The following STAB2 variants were observed in gnomAD, a reference collection of about 807,000 sequenced individuals.
STAB2 encodes stabilin 2.
In STAB2, 288 loss-of-function variants were observed where a neutral mutation model predicts 338.1. The ratio of observed to expected loss-of-function variants is 0.85; its 90% confidence interval spans 0.77 to 0.94. STAB2 has a LOEUF of 0.94. STAB2 is among the 40% of genes least tolerant of loss of function. STAB2 has a pLI of 0.00. For missense variants in STAB2, 3,141 were observed against 3,210.1 expected, an observed-to-expected ratio of 0.98 and a Z score of 0.52; for synonymous variants, 1,202 against 1,193.3, an observed-to-expected ratio of 1.01 and a Z score of -0.15.
chr12:103,763,484 CCAAA>C lies in STAB2; in HGVS notation c.7489-5_7489-2del, dbSNP rs1884691806. ...GCTCCTGGCTTTCATGCTTGTCTTT[CCAAA>C]CAGTCGGAAGAGGACATTAATGTTG... On this transcript the variant is annotated splice_region_variant and splice_polypyrimidine_tract_variant and intron_variant, in intron 67 of 68. Transcript: ENST00000388887. 1.9e-6 allele frequency: 3 copies of C among 1,613,276 alleles called. No homozygotes were observed. The highest frequency in any genetic ancestry group is 2.5e-6 in the Non-Finnish European group (3 of 1,179,422).
intron 13 of STAB2, 200 bp downstream of exon 13, chr12:103,654,898 CAT>C: frequency 6.2e-6 from 4 of 643,604 alleles, no homozygotes; most frequent in East Asian, 3.0e-5. Context: ...CGTACAGTAA[CAT>C]ATGTGGGAAA....
chr12:103,610,576 C>G (rs1957106596), intron 3 of STAB2, among the ~76,000 whole-genome samples: 1 of 152,084 alleles, frequency 6.6e-6, no homozygotes, highest in African/African-American at 2.4e-5. Context: ...ATTCTTCTCT[C>G]TTTTCTTCTT....
intron 11 of STAB2, among the ~76,000 whole-genome samples, chr12:103,651,815 T>G (rs1269381714): frequency 6.6e-6 from 1 of 152,250 alleles, no homozygotes; most frequent in Non-Finnish European, 1.5e-5. Flanking sequence ...CAAGATATTT[T>G]GTGGTAATAA....
chr12:103,617,854 C>T (rs963099393), intron 3 of STAB2, among the ~76,000 whole-genome samples: 1 of 152,148 alleles, frequency 6.6e-6, no homozygotes, highest in Non-Finnish European at 1.5e-5. Context: ...AGGTTTTGAG[C>T]CTGGCTCTGC....
At chr12:103,608,016 G>A (rs1163857032) in intron 3 of STAB2, among the ~76,000 whole-genome samples, 1 of 152,218 alleles carries the variant, frequency 6.6e-6, no homozygotes, top group Admixed American at 6.5e-5. Context: ...GTGTAAAAAT[G>A]TTCCTATTTC....
intron 66 of STAB2, 30 bp downstream of exon 66, chr12:103,761,440 C>G (rs1323420198): frequency 6.3e-7 from 1 of 1,596,532 alleles, no homozygotes; most frequent in South Asian, 1.1e-5. Flanking sequence ...GATAACGGGC[C>G]AGGAGGAGCC....
chr12:103,681,238 C>T (rs1186634713), intron 25 of STAB2, among the ~76,000 whole-genome samples: 6 of 152,010 alleles, frequency 3.9e-5, no homozygotes, highest in African/African-American at 1.4e-4. Context: ...GCCAAGCACT[C>T]AGTAAATAAT....
At chr12:103,661,236 A>AAG (rs1274925454) in intron 17 of STAB2, among the ~76,000 whole-genome samples, 81 of 138,726 alleles carry the variant, frequency 5.8e-4, no homozygotes, top group Non-Finnish European at 9.6e-4. Context: ...AAAAAAAAAA[A>AAG]AGAGAGAGAG....
chr12:103,711,493 T>C lies in STAB2; in HGVS notation c.4311T>C (p.Asn1437=). ...CDNATTEDNC[N]GTCHTSANCL... is the part of the protein sequence containing the mutation. ...CAGCAACCACAGAAGACAACTGCAA[T>C]GGGACATGCCATACCAGCGCCAAGT... is the stretch of plus-strand genomic sequence containing the variant. The change falls in exon 40 of 69, where the codon AAT becomes AAC. Residue 1437 remains asparagine (N), a synonymous_variant. Coordinates refer to ENST00000388887, the MANE Select transcript of STAB2 (RefSeq NM_017564.10). The C allele has an allele frequency of 1.2e-6, 2 of 1,614,054 alleles. No individual in the cohort carries two copies.
At chr12:103,675,434 T>C (rs1201480440) in intron 23 of STAB2, among the ~76,000 whole-genome samples, 5 of 152,208 alleles carry the variant, frequency 3.3e-5, no homozygotes, top group Admixed American at 2.0e-4. Context: ...CATTTTCAAA[T>C]ATTTTAAGAG....
Position 103,750,701 on chromosome 12 carries a change from T to C in STAB2, c.6561T>C (p.Cys2187=), listed in dbSNP as rs761941607. 3.1e-6 allele frequency: 5 copies of C among 1,613,642 alleles called. No individual in the cohort carries two copies. The African/African-American group carries it at 5.3e-5, about 17-fold the overall frequency. Residue 2187 remains cysteine, a synonymous_variant, in exon 60 of 69, where the codon TGT becomes TGC. Coordinates refer to ENST00000388887, the MANE Select transcript of STAB2 (RefSeq NM_017564.10). The part of the protein sequence containing the change: ...DNGQCHADAK[C]VDLHFQDTTV... ...GGCAGTGCCATGCAGACGCCAAATG[T>C]GTCGACCTCCACTTCCAGGGTTAGT...
chr12:103,685,481 CAT>C (rs887703471), intron 27 of STAB2, among the ~76,000 whole-genome samples: 28 of 139,142 alleles, frequency 2.0e-4, no homozygotes, highest in African/African-American at 4.1e-4. Flanking sequence ...TGCGTGCGCG[CAT>C]GTGTGTGTGT....
At chr12:103,611,921 G>T (rs1017876545) in intron 3 of STAB2, among the ~76,000 whole-genome samples, 39 of 152,120 alleles carry the variant, frequency 2.6e-4, no homozygotes, top group African/African-American at 8.9e-4. Flanking sequence ...GTCTGTAAAG[G>T]ATTTTATTTC....
At chr12:103,691,561 A>G (rs1452025343) in intron 30 of STAB2, among the ~76,000 whole-genome samples, 3 of 152,242 alleles carry the variant, frequency 2.0e-5, no homozygotes, top group African/African-American at 7.2e-5. Flanking sequence ...GGTGATTCCT[A>G]CAGTCATGCT....
chr12:103,733,824 C>T (rs965973051), intron 51 of STAB2, among the ~76,000 whole-genome samples: 3 of 151,344 alleles, frequency 2.0e-5, no homozygotes, highest in Non-Finnish European at 2.9e-5. Context: ...GGAGCAAGCA[C>T]GATCACAGCA....
intron 58 of STAB2, among the ~76,000 whole-genome samples, chr12:103,747,732 C>T (rs949552828): frequency 6.6e-6 from 1 of 152,182 alleles, no homozygotes; most frequent in African/African-American, 2.4e-5. Flanking sequence ...CAATGGCTCA[C>T]ACCTGTAATT....
chr12:103,658,330 G>A (rs552134704), intron 15 of STAB2, among the ~76,000 whole-genome samples: 2 of 152,108 alleles, frequency 1.3e-5, no homozygotes, highest in African/African-American at 2.4e-5. Flanking sequence ...CTTCAACAAC[G>A]ACAGCTCCTG....
At chr12:103,685,330 G>C (rs1877297905) in intron 27 of STAB2, among the ~76,000 whole-genome samples, 1 of 152,018 alleles carries the variant, frequency 6.6e-6, no homozygotes, top group Non-Finnish European at 1.5e-5. Context: ...TACTCTACCT[G>C]TTTCCATTCT....
chr12:103,601,531 G>A (rs1046365131), intron 3 of STAB2, among the ~76,000 whole-genome samples: 9 of 152,344 alleles, frequency 5.9e-5, no homozygotes, highest in Admixed American at 5.9e-4. Flanking sequence ...GGCGGAAGTT[G>A]CAGTGACCCA....
Sources: gnomAD v4.1 joint callset for allele counts (sites outside exome capture counted in the v4.1 genomes callset) on GRCh38, gnomAD v4.1.1 for gene constraint, MANE v1.5 for transcripts, NCBI Gene and HGNC (gene_info 2026-07-23, HGNC 2026-07-21) for gene names.